MYT1: variants seen among roughly 807,000 people sequenced by gnomAD.
MYT1 encodes the protein myelin transcription factor 1.
MYT1 carries 23 observed loss-of-function variants against 123.0 expected under a neutral mutation model. That is an observed-to-expected ratio of 0.19 (90% CI 0.13 to 0.26). The LOEUF (loss-of-function observed/expected upper bound fraction) is 0.26, where lower values mean the gene tolerates loss of function less well. Ranked by LOEUF, MYT1 falls within the 10% of genes least tolerant of loss-of-function variation. The pLI is 1.00. For missense variants in MYT1, 1,125 were observed against 1,472.5 expected (o/e 0.76, Z 3.86); for synonymous variants, 518 against 575.3 (o/e 0.90, Z 1.43).
At chr20:64,211,373 G>T in intron 8 of MYT1, 33 bp downstream of exon 8, 1 of 1,587,154 alleles carries the variant, frequency 6.3e-7, no homozygotes, top group Non-Finnish European at 8.6e-7. Flanking sequence ...AGCCCTAACT[G>T]TGAAGCTCAC....
At chr20:64,179,923 TAC>T (rs1387600157) in intron 1 of MYT1, among the ~76,000 whole-genome samples, 12 of 125,984 alleles carry the variant, frequency 9.5e-5, no homozygotes, top group East Asian at 4.9e-4. Flanking sequence ...TATACAGTTA[TAC>T]ACACATGCTA....
intron 16 of MYT1, among the ~76,000 whole-genome samples, chr20:64,225,386 G>C (rs971271638): frequency 2.0e-5 from 3 of 152,204 alleles, no homozygotes; most frequent in Non-Finnish European, 4.4e-5. Flanking sequence ...TGTGTGTTCT[G>C]TGTTTTAAGT....
Position 64,185,931 on chromosome 20 carries a change from G to A in MYT1, c.-98-4132G>A, listed in dbSNP as rs905472457. 1.3e-5 allele frequency among the ~76,000 whole-genome samples: 2 copies of A among 152,232 alleles called. No individual in the cohort carries two copies. The highest frequency in any genetic ancestry group is 2.9e-5 in the Non-Finnish European group (2 of 68,038). On this transcript the variant is annotated intron_variant, in intron 1 of 22. Transcript: ENST00000328439. This position sits in a 1 kb window ranked among gnomAD's most constrained non-coding sequence, Gnocchi z 4.5. ...CACTGGCTCTCAGTGGAAGCGTCCT[G>A]TCTGGGGCCTGGGTCAGGCTGGTCT... is the stretch of plus-strand genomic sequence containing the variant.
chr20:64,237,959 C>T (rs928317435), intron 21 of MYT1, among the ~76,000 whole-genome samples: 3 of 152,138 alleles, frequency 2.0e-5, no homozygotes, highest in East Asian at 3.8e-4. Context: ...GTACAATGAA[C>T]GCATTTCTAT....
At chr20:64,225,352 C>G (rs759768479) in intron 16 of MYT1, among the ~76,000 whole-genome samples, 5 of 152,224 alleles carry the variant, frequency 3.3e-5, no homozygotes, top group Non-Finnish European at 5.9e-5. Flanking sequence ...CTGTCCGCAC[C>G]TGGCTGCAGC....
rs142003100 is a variant in MYT1, at chr20:64,200,984, C to T, written c.86+1062C>T. Among the ~76,000 whole-genome samples the T allele has an allele frequency of 3.4e-3, 520 of 152,240 alleles. 3 individuals are homozygous for T. Among genetic ancestry groups the T allele is most frequent in the African/African-American group, 0.012 (487 of 41,538 alleles). On this transcript the variant is annotated intron_variant, in intron 4 of 22. Transcript: ENST00000328439. ...CTGCTTGGCCAGCCTGCTGAAGAAGCGGTGATTGCGACGGCGAGAGATGCT... is the reference window on the plus strand; with the variant it reads ...CTGCTTGGCCAGCCTGCTGAAGAAGTGGTGATTGCGACGGCGAGAGATGCT...
Position 64,193,703 on chromosome 20 carries a change from G to C in MYT1, c.-1+3543G>C, listed in dbSNP as rs1052968440. The stretch of plus-strand genomic sequence containing the variant: ...ACTGGCCCCTTCCTTCTGGGAAGTG[G>C]CTGCCTATGGTCCGCTGGGACTCAG... On this transcript the variant is annotated intron_variant, in intron 2 of 22. Transcript: ENST00000328439. The surrounding 1 kb of genome is among the most constrained non-coding windows in gnomAD (Gnocchi z 4.0). Among the ~76,000 whole-genome samples the C allele has an allele frequency of 6.6e-6, 1 of 151,914 alleles. No individual in the cohort carries two copies.
chr20:64,212,188 TGGGGGCCAGGG>T lies in MYT1; in HGVS notation c.1517+51_1517+61del. 2 of 245,680 alleles carry T rather than the reference TGGGGGCCAGGG, an allele frequency of 8.1e-6. No individual in the cohort carries two copies. The highest frequency in any genetic ancestry group is 6.6e-6 in the Non-Finnish European group (1 of 151,578). The allele number at this position is 245,680 out of a possible 1,614,324, so 15.2% of individuals were successfully genotyped here. A position where few individuals can be genotyped will look rare whatever the true frequency, so the allele number is the denominator to read the frequency against. ...GTGGGGGCCAGGGTGGGGGCCGTGG[TGGGGGCCAGGG>T]TGGGGGCCGTGGTGGGGGCCAGGGT... On this transcript the variant is annotated intron_variant, in intron 9 of 22. Transcript: ENST00000328439. This position sits in a 1 kb window ranked among gnomAD's most constrained non-coding sequence, Gnocchi z 6.8.
chr20:64,188,578 G>A (rs1050532208), intron 1 of MYT1, among the ~76,000 whole-genome samples: 1 of 152,118 alleles, frequency 6.6e-6, no homozygotes, highest in South Asian at 2.1e-4. Context: ...CACACTCCCC[G>A]GCTGATACGA....
At chr20:64,224,262 G>T (rs1984100838) in intron 16 of MYT1, among the ~76,000 whole-genome samples, 1 of 152,166 alleles carries the variant, frequency 6.6e-6, no homozygotes, top group African/African-American at 2.4e-5. Flanking sequence ...TGTGTTGGGG[G>T]CCCTGAATCC....
chr20:64,237,507 C>T (rs370126715), intron 21 of MYT1, 117 bp downstream of exon 21: 7 of 769,820 alleles, frequency 9.1e-6, no homozygotes, highest in African/African-American at 8.6e-5. Flanking sequence ...GCTGAGCTGA[C>T]GGACAGCGCA....
chr20:64,205,112 G>T lies in MYT1; in HGVS notation c.149+15G>T, dbSNP rs1983445647. The T allele has an allele frequency of 6.2e-7, 1 of 1,613,624 alleles. No homozygotes were observed. Among genetic ancestry groups the T allele is most frequent in the Non-Finnish European group, 8.5e-7 (1 of 1,179,830 alleles). ...AGGCACCGAAGGTAAGAGGACCCTT[G>T]GATCTCACGGAGATTCCTGGGCGGT... On this transcript the variant is annotated intron_variant, in intron 5 of 22. Transcript: ENST00000328439.
chr20:64,205,192 G>A, intron 5 of MYT1, 95 bp downstream of exon 5: 1 of 1,422,822 alleles, frequency 7.0e-7, no homozygotes, highest in Non-Finnish European at 9.8e-7. Context: ...CTTTTTCCAT[G>A]GCTCCCAAGG....
At chr20:64,171,680 C>T (rs1414883954) in intron 1 of MYT1, among the ~76,000 whole-genome samples, 1 of 146,742 alleles carries the variant, frequency 6.8e-6, no homozygotes, top group Admixed American at 6.7e-5. Flanking sequence ...TCTGGAGGAA[C>T]CCAAACCCTA....
At chr20:64,183,349 G>A (rs1421604523) in intron 1 of MYT1, among the ~76,000 whole-genome samples, 3 of 152,212 alleles carry the variant, frequency 2.0e-5, no homozygotes, top group Non-Finnish European at 4.4e-5. Flanking sequence ...TTGTGTACAA[G>A]CCTTTATGTG....
chr20:64,229,628 T>G (rs1984265914), intron 18 of MYT1, among the ~76,000 whole-genome samples: 1 of 152,208 alleles, frequency 6.6e-6, no homozygotes, highest in Middle Eastern at 3.2e-3. Flanking sequence ...GCCTAGCATA[T>G]TTAAACAGAT....
chr20:64,213,620 G>A lies in MYT1; in HGVS notation c.1604G>A (p.Ser535Asn). The change falls in exon 10 of 23, where the codon AGT becomes AAT. Residue 535 changes from serine to asparagine, a missense_variant. This residue lies in a region of MYT1 where 429 missense variants were observed against 604.1 expected (regional missense o/e 0.71). Transcript: ENST00000328439. This position sits in a 1 kb window ranked among gnomAD's most constrained non-coding sequence, Gnocchi z 5.6. ...QQPQTGDPSKSSSNSDRILRP... is the reference protein window; with the variant it reads ...QQPQTGDPSKNSSNSDRILRP... ...CCGCAGACAGGAGATCCTTCCAAGA[G>A]TAGCTCCAATTCCGATCGGATCCTC... 6.2e-7 allele frequency: 1 copy of A among 1,614,126 alleles called. No individual in the cohort carries two copies. The highest frequency in any genetic ancestry group is 1.1e-5 in the South Asian group (1 of 91,078).
intron 1 of MYT1, among the ~76,000 whole-genome samples, chr20:64,169,750 C>T (rs1244871187): frequency 6.6e-6 from 1 of 152,124 alleles, no homozygotes; most frequent in African/African-American, 2.4e-5. Context: ...CCTTAATCTT[C>T]GAATGGAACA....
intron 18 of MYT1, among the ~76,000 whole-genome samples, chr20:64,230,480 T>C (rs1456706379): frequency 6.6e-6 from 1 of 152,240 alleles, no homozygotes; most frequent in Non-Finnish European, 1.5e-5. Context: ...GCCACTGCAC[T>C]CCGGCCTGGG....
Sources: gnomAD v4.1 joint callset for allele counts (sites outside exome capture counted in the v4.1 genomes callset) on GRCh38, gnomAD v4.1.1 for gene constraint, gnomAD v4.1.1 regional missense constraint, Gnocchi (gnomAD v3.1) non-coding constraint, MANE v1.5 for transcripts, NCBI Gene and HGNC (gene_info 2026-07-23, HGNC 2026-07-21) for gene names.